Variants in LRRTM3 observed in about 807,000 individuals in gnomAD.
The protein encoded by LRRTM3 is leucine-rich repeat transmembrane neuronal protein 3.
LRRTM3 carries 24 observed loss-of-function variants against 44.7 expected under a neutral mutation model. That is an observed-to-expected ratio of 0.54 (90% CI 0.39 to 0.76). LRRTM3 has a LOEUF of 0.76. Ranked by LOEUF, LRRTM3 falls within the 30% of genes least tolerant of loss-of-function variation. The pLI, the probability that LRRTM3 is intolerant of heterozygous loss-of-function variation, is 0.00. For missense variants in LRRTM3, 587 were observed against 702.2 expected (o/e 0.84, Z 1.85); for synonymous variants, 277 against 278.7 (o/e 0.99, Z 0.06).
intron 2 of LRRTM3, among the ~76,000 whole-genome samples, chr10:67,097,100 T>C (rs944870134): frequency 6.6e-6 from 1 of 151,958 alleles, no homozygotes; most frequent in African/African-American, 2.4e-5. Context: ...CCAGACCTAC[T>C]GGATGAAAAA....
chr10:67,055,790 G>T (rs1925596), intron 2 of LRRTM3, among the ~76,000 whole-genome samples: 81,423 of 151,484 alleles, frequency 0.54, 22,205 homozygotes, highest in East Asian at 0.78. Context: ...AAAGCCATAA[G>T]GATATCAGGG....
intron 2 of LRRTM3, among the ~76,000 whole-genome samples, chr10:67,029,275 T>A (rs1853577611): frequency 6.6e-6 from 1 of 152,232 alleles, no homozygotes; most frequent in South Asian, 2.1e-4. Flanking sequence ...ATAAGAAGTT[T>A]CAACTAAACA....
intron 2 of LRRTM3, among the ~76,000 whole-genome samples, chr10:66,997,248 A>C (rs1466264218): frequency 1.3e-5 from 2 of 152,194 alleles, no homozygotes; most frequent in Non-Finnish European, 2.9e-5. Context: ...TCATAGGCAG[A>C]GGTCTTATAA....
At chr10:66,991,485 A>C (rs1245152885) in intron 2 of LRRTM3, among the ~76,000 whole-genome samples, 1 of 152,224 alleles carries the variant, frequency 6.6e-6, no homozygotes, top group African/African-American at 2.4e-5. Flanking sequence ...TTAAAAGGGT[A>C]TATTTAAACA....
intron 2 of LRRTM3, among the ~76,000 whole-genome samples, chr10:67,057,846 T>G (rs1270543938): frequency 6.6e-6 from 1 of 152,136 alleles, no homozygotes; most frequent in South Asian, 2.1e-4. Context: ...CCACCAAAGA[T>G]TGAAGCCAAA....
rs530116728 is a variant in LRRTM3, at chr10:67,049,837, T to TC, written c.1537-47750_1537-47749insC. ...GTATGTGCATGTGTTTTATATATAT[T>TC]ACAAATATAGTAATATATACACACA... On this transcript the variant is annotated intron_variant, in intron 2 of 2. Transcript: ENST00000361320. 2.3e-3 allele frequency among the ~76,000 whole-genome samples: 346 copies of TC among 152,300 alleles called. 2 individuals are homozygous for TC. Among genetic ancestry groups the TC allele is most frequent in the African/African-American group, 8.0e-3 (332 of 41,554 alleles).
intron 2 of LRRTM3, among the ~76,000 whole-genome samples, chr10:67,016,148 T>C (rs1387324575): frequency 6.6e-6 from 1 of 152,116 alleles, no homozygotes; most frequent in Non-Finnish European, 1.5e-5. Context: ...AAACAGAAAA[T>C]GGTAGTTTTA....
intron 2 of LRRTM3, among the ~76,000 whole-genome samples, chr10:66,964,975 A>G (rs2132792872): frequency 6.6e-6 from 1 of 152,368 alleles, no homozygotes; most frequent in South Asian, 2.1e-4. Flanking sequence ...TTAAAAAGCA[A>G]TAAAATAAGA....
At chr10:66,953,528 T>G (rs911425047) in intron 2 of LRRTM3, among the ~76,000 whole-genome samples, 1 of 152,196 alleles carries the variant, frequency 6.6e-6, no homozygotes, top group Non-Finnish European at 1.5e-5. Flanking sequence ...AAAGACTCTT[T>G]GCTTGAAACA....
At chr10:67,092,728 C>G (rs2131915363) in intron 2 of LRRTM3, among the ~76,000 whole-genome samples, 1 of 152,080 alleles carries the variant, frequency 6.6e-6, no homozygotes, top group Middle Eastern at 3.4e-3. Flanking sequence ...TTTTAACCAT[C>G]TAACTTTGTA....
chr10:67,048,169 G>T (rs1484076805), intron 2 of LRRTM3, among the ~76,000 whole-genome samples: 2 of 152,038 alleles, frequency 1.3e-5, no homozygotes, highest in Non-Finnish European at 2.9e-5. Flanking sequence ...CCCCTGCCAT[G>T]TTCATGAGGT....
At chr10:66,952,526 T>G (rs1427401055) in intron 2 of LRRTM3, among the ~76,000 whole-genome samples, 3 of 152,070 alleles carry the variant, frequency 2.0e-5, no homozygotes, top group African/African-American at 7.2e-5. Flanking sequence ...AAAAATTAAT[T>G]GTGTGTGTAT....
At chr10:66,967,165 G>A (rs1348368045) in intron 2 of LRRTM3, among the ~76,000 whole-genome samples, 2 of 151,922 alleles carry the variant, frequency 1.3e-5, no homozygotes, top group East Asian at 1.9e-4. Flanking sequence ...TTCTGGAAAC[G>A]TGAGATTTTT....
intron 2 of LRRTM3, among the ~76,000 whole-genome samples, chr10:66,932,493 A>G (rs1164984172): frequency 1.3e-5 from 2 of 152,164 alleles, no homozygotes; most frequent in Admixed American, 6.5e-5. Context: ...CTGGATTCTC[A>G]TTAGAATCCA....
At chr10:67,086,228 A>G (rs1371246742) in intron 2 of LRRTM3, among the ~76,000 whole-genome samples, 1 of 152,060 alleles carries the variant, frequency 6.6e-6, no homozygotes, top group African/African-American at 2.4e-5. Context: ...CCTCATCCCT[A>G]TAAAATGAAA....
intron 2 of LRRTM3, among the ~76,000 whole-genome samples, chr10:66,929,382 T>C (rs949856243): frequency 2.6e-5 from 4 of 152,218 alleles, no homozygotes; most frequent in Non-Finnish European, 5.9e-5. Context: ...TTTCCAGTTT[T>C]TTCGAAGACC....
chr10:66,982,570 A>G (rs1850501683), intron 2 of LRRTM3, among the ~76,000 whole-genome samples: 1 of 152,170 alleles, frequency 6.6e-6, no homozygotes, highest in Non-Finnish European at 1.5e-5. Context: ...GGTATAAAAT[A>G]TTATCTTAAG....
At chr10:66,930,492 A>T (rs914364331) in intron 2 of LRRTM3, among the ~76,000 whole-genome samples, 2 of 152,182 alleles carry the variant, frequency 1.3e-5, no homozygotes, top group African/African-American at 4.8e-5. Context: ...TTTTATCTGT[A>T]CTAAAGATGT....
At chr10:67,076,523 T>A (rs1311226132) in intron 2 of LRRTM3, among the ~76,000 whole-genome samples, 1 of 152,216 alleles carries the variant, frequency 6.6e-6, no homozygotes, top group Non-Finnish European at 1.5e-5. Context: ...CTTCTTCTTA[T>A]AAAGTAAGTC....
Sources: gnomAD v4.1 joint callset for allele counts (sites outside exome capture counted in the v4.1 genomes callset) on GRCh38, gnomAD v4.1.1 for gene constraint, MANE v1.5 for transcripts, NCBI Gene and HGNC (gene_info 2026-07-23, HGNC 2026-07-21) for gene names.